Variants in PCNX2 observed in about 807,000 individuals in gnomAD.
PCNX2 encodes pecanex-like protein 2.
PCNX2 carries 168 observed loss-of-function variants against 223.8 expected under a neutral mutation model. That is an observed-to-expected ratio of 0.75 (90% CI 0.66 to 0.85). The LOEUF (loss-of-function observed/expected upper bound fraction) is 0.85, where lower values mean the gene tolerates loss of function less well. PCNX2 is among the 40% of genes least tolerant of loss of function. The pLI is 0.00. For synonymous variants in PCNX2, 1,006 were observed against 1,052.6 expected (o/e 0.96, Z 0.86); for missense variants, 2,507 against 2,675.5 (o/e 0.94, Z 1.39).
rs773705985 is a variant in PCNX2, at chr1:233,259,361, C to G, written c.518-17G>C. 1 of 1,585,210 alleles carries G rather than the reference C, an allele frequency of 6.3e-7. No homozygotes were observed. The highest frequency in any genetic ancestry group is 1.8e-5 in the Admixed American group (1 of 56,220). On this transcript the variant is annotated splice_polypyrimidine_tract_variant and intron_variant, in intron 4 of 33. Coordinates refer to ENST00000258229, the MANE Select transcript of PCNX2 (RefSeq NM_014801.4). ...GAATGACACCTGAAATGACACATGG[C>G]AACTTTATTAGCATCAGAAATGAAT...
chr1:232,984,047 GCTT>G lies in PCNX2; in HGVS notation c.*254_*256del. ...TGCCTGGCCAGGGAGGTGTGGTGTG[GCTT>G]CTTTGTTGCTTTTTTTTGTTTCCCC... is the stretch of plus-strand genomic sequence containing the variant. On this transcript the variant is annotated 3_prime_UTR_variant, in exon 34 of 34. Transcript: ENST00000258229. 1 of 354,972 alleles carries G rather than the reference GCTT, an allele frequency of 2.8e-6. No individual in the cohort carries two copies. Among genetic ancestry groups the G allele is most frequent in the Non-Finnish European group, 5.0e-6 (1 of 200,438 alleles). 22.0% of individuals were successfully genotyped at this position (354,972 alleles called of 1,614,324 possible).
chr1:233,131,211 C>G (rs1676483575), intron 21 of PCNX2, among the ~76,000 whole-genome samples: 1 of 152,136 alleles, frequency 6.6e-6, no homozygotes, highest in Admixed American at 6.5e-5. Flanking sequence ...TGGGGGACAT[C>G]TGCAGTGGTC....
At chr1:233,293,450 A>C (rs1183170698) in intron 1 of PCNX2, among the ~76,000 whole-genome samples, 2 of 152,230 alleles carry the variant, frequency 1.3e-5, no homozygotes, top group East Asian at 3.8e-4. Flanking sequence ...GCCCTCAAAA[A>C]AGCTTATGAT....
At chr1:233,113,342 C>T (rs960624819) in intron 21 of PCNX2, among the ~76,000 whole-genome samples, 2 of 152,140 alleles carry the variant, frequency 1.3e-5, no homozygotes, top group African/African-American at 2.4e-5. Flanking sequence ...AAAACATACA[C>T]CTTGAGAAGC....
intron 25 of PCNX2, among the ~76,000 whole-genome samples, chr1:233,053,302 T>A (rs1672072572): frequency 1.3e-5 from 2 of 152,058 alleles, no homozygotes; most frequent in Admixed American, 6.6e-5. Flanking sequence ...ACTCATGCAC[T>A]TAGCAGGTAT....
At chr1:233,108,840 G>A (rs1674955315) in intron 21 of PCNX2, among the ~76,000 whole-genome samples, 1 of 152,186 alleles carries the variant, frequency 6.6e-6, no homozygotes, top group Non-Finnish European at 1.5e-5. Context: ...ATGCATCCCT[G>A]AGACCAAGGG....
rs746899040 is a variant in PCNX2 at position 233,095,861 on chromosome 1, G to A, written c.3840C>T (p.Leu1280=). 15 of 1,603,236 alleles carry A rather than the reference G, an allele frequency of 9.4e-6. No homozygotes were observed. Among genetic ancestry groups the A allele is most frequent in the South Asian group, 5.6e-5 (5 of 89,110 alleles). ...FFMVSILFSK[L]GDLLHKLQFV... is the part of the protein sequence containing the mutation. ...ACTGTAACTTGTGAAGCAGGTCCCC[G>A]AGCTGAAAGTAAAAGAAAAAAAATT... The change falls in exon 22 of 34, where the codon CTC becomes CTT. Residue 1280 remains leucine, a splice_region_variant and synonymous_variant. Coordinates refer to ENST00000258229, the MANE Select transcript of PCNX2 (RefSeq NM_014801.4).
chr1:233,326,592 T>C, the PCNX2 span, among the ~76,000 whole-genome samples: 1 of 152,136 alleles, frequency 6.6e-6, no homozygotes, highest in African/African-American at 2.4e-5. Flanking sequence ...CAATAAATAG[T>C]TTGATCTGAG....
chr1:233,002,365 GACAA>G (rs1331899258), intron 28 of PCNX2, among the ~76,000 whole-genome samples: 16 of 152,148 alleles, frequency 1.1e-4, no homozygotes, highest in African/African-American at 2.9e-4. Flanking sequence ...ACCAATAATA[GACAA>G]ACAGAGAGCC....
At chr1:233,187,416 A>C (rs1680169592) in intron 15 of PCNX2, among the ~76,000 whole-genome samples, 1 of 152,184 alleles carries the variant, frequency 6.6e-6, no homozygotes, top group East Asian at 1.9e-4. Context: ...TACTAGGGTC[A>C]CAACAGCTCA....
At chr1:232,985,434 G>C (rs1441012345) in intron 33 of PCNX2, 1 of 153,914 alleles carries the variant, frequency 6.5e-6, no homozygotes, top group Non-Finnish European at 1.4e-5. Flanking sequence ...CTCCAAACCT[G>C]ACCCATTTTT....
chr1:233,123,859 A>C (rs982879578), intron 21 of PCNX2, among the ~76,000 whole-genome samples: 2 of 152,252 alleles, frequency 1.3e-5, no homozygotes, highest in African/African-American at 4.8e-5. Context: ...GGCATAGTTC[A>C]CTGAAAAAGA....
intron 10 of PCNX2, among the ~76,000 whole-genome samples, chr1:233,220,506 C>T (rs1392607072): frequency 6.6e-6 from 1 of 151,894 alleles, no homozygotes; most frequent in Admixed American, 6.6e-5. Context: ...TATCTCATTG[C>T]TGCTTTAATT....
chr1:233,243,822 CT>C (rs1288127901), intron 8 of PCNX2, among the ~76,000 whole-genome samples: 1 of 148,236 alleles, frequency 6.7e-6, no homozygotes, highest in East Asian at 1.9e-4. Flanking sequence ...GTACTATCAC[CT>C]TTATTTTTTA....
chr1:233,115,034 C>T (rs1291385334), intron 21 of PCNX2, among the ~76,000 whole-genome samples: 2 of 152,012 alleles, frequency 1.3e-5, no homozygotes, highest in African/African-American at 2.4e-5. Flanking sequence ...GCCGATCCCA[C>T]GTGGGAGAAA....
At chr1:233,144,962 TTTTG>T (rs1211505821) in intron 19 of PCNX2, among the ~76,000 whole-genome samples, 1 of 108,568 alleles carries the variant, frequency 9.2e-6, no homozygotes, top group Non-Finnish European at 1.6e-5. Context: ...TGTTTTTTTT[TTTTG>T]TTTCTTTTTT....
intron 21 of PCNX2, among the ~76,000 whole-genome samples, chr1:233,101,594 A>G (rs1320102331): frequency 1.3e-5 from 2 of 152,204 alleles, no homozygotes; most frequent in East Asian, 3.8e-4. Context: ...GATACCATCC[A>G]TGATAAAAAT....
Position 233,090,142 on chromosome 1 carries a change from G to C in PCNX2, c.3995C>G (p.Thr1332Ser). 1 of 1,613,866 alleles carries C rather than the reference G, an allele frequency of 6.2e-7. No homozygotes were observed. The highest frequency in any genetic ancestry group is 8.5e-7 in the Non-Finnish European group (1 of 1,179,822). ...ACTCCCAAGAAATGGGCTCAATGGGGTAGAAAAGATTGATGTGGCAATCGT... is the reference window on the plus strand; with the variant it reads ...ACTCCCAAGAAATGGGCTCAATGGGCTAGAAAAGATTGATGTGGCAATCGT... ...FQTIATSIFS[T>S]PLSPFLGSVI... Residue 1332 changes from threonine to serine, a missense_variant, in exon 23 of 34, where the codon ACC becomes AGC. This residue lies in a region of PCNX2 where 1,372 missense variants were observed against 1,509.4 expected (regional missense o/e 0.91). Transcript: ENST00000258229.
intron 15 of PCNX2, 115 bp from the exon 16 acceptor site, chr1:233,179,290 T>A (rs1335634371): frequency 1.9e-6 from 2 of 1,063,162 alleles, no homozygotes; most frequent in East Asian, 2.7e-5. Context: ...GTTATTCCCA[T>A]GATTATTCCT....
Sources: allele counts gnomAD v4.1 joint callset (sites outside exome capture counted in the v4.1 genomes callset), GRCh38; gene constraint gnomAD v4.1.1; regional missense constraint gnomAD v4.1.1; transcripts MANE v1.5; gene names NCBI Gene and HGNC (gene_info 2026-07-23, HGNC 2026-07-21).